Variants in NOL4 observed in about 807,000 individuals in gnomAD.
The protein encoded by NOL4 is cancer/testis antigen 125.
A neutral mutation model predicts 75.9 loss-of-function variants in NOL4; 17 were observed. The ratio of observed to expected loss-of-function variants is 0.22; its 90% CI spans 0.15 to 0.34. The LOEUF (loss-of-function observed/expected upper bound fraction) is 0.34, where lower values mean the gene tolerates loss of function less well. NOL4 is among the 10% of genes least tolerant of loss of function. The probability of loss-of-function intolerance (pLI) is 1.00; values close to 1 mark genes in which losing one functional copy is unlikely to be tolerated. For missense variants in NOL4, 614 were observed against 793.5 expected, an observed-to-expected ratio of 0.77 and a Z score of 2.72; for synonymous variants, 292 against 289.9, an observed-to-expected ratio of 1.01 and a Z score of -0.07.
intron 4 of NOL4, among the ~76,000 whole-genome samples, chr18:34,098,974 T>C (rs2078916095): frequency 6.6e-6 from 1 of 152,200 alleles, no homozygotes; most frequent in African/African-American, 2.4e-5. Flanking sequence ...ACATCAATTC[T>C]TTCTTTGATG....
chr18:33,915,608 A>G (rs2066671805), intron 9 of NOL4, among the ~76,000 whole-genome samples: 1 of 152,106 alleles, frequency 6.6e-6, no homozygotes, highest in Non-Finnish European at 1.5e-5. Context: ...CTCATCCTAA[A>G]TAAGAGTGGA....
chr18:34,124,609 CAT>C (rs1226775712), intron 2 of NOL4, among the ~76,000 whole-genome samples: 2 of 152,058 alleles, frequency 1.3e-5, no homozygotes, highest in Admixed American at 6.6e-5. Flanking sequence ...CATTAGGACT[CAT>C]ATAAGAATCA....
intron 5 of NOL4, among the ~76,000 whole-genome samples, chr18:34,088,641 T>C (rs2078358140): frequency 6.6e-6 from 1 of 152,134 alleles, no homozygotes; most frequent in Admixed American, 6.6e-5. Flanking sequence ...CTTTTACTCA[T>C]GCTTTCATGA....
At chr18:33,938,086 T>C (rs1266934925) in intron 9 of NOL4, among the ~76,000 whole-genome samples, 1 of 152,076 alleles carries the variant, frequency 6.6e-6, no homozygotes, top group Admixed American at 6.6e-5. Flanking sequence ...CATTATAGGA[T>C]TGTGAAAAGA....
At chr18:34,123,999 T>G (rs1041981093) in intron 2 of NOL4, among the ~76,000 whole-genome samples, 1 of 152,112 alleles carries the variant, frequency 6.6e-6, no homozygotes, top group African/African-American at 2.4e-5. Context: ...AAATTTGAAC[T>G]TGGAATAGTT....
At chr18:33,862,615 C>T (rs1052323236) in intron 10 of NOL4, among the ~76,000 whole-genome samples, 9 of 152,026 alleles carry the variant, frequency 5.9e-5, no homozygotes, top group Non-Finnish European at 1.0e-4. Flanking sequence ...ACAAAGGACA[C>T]GAACAGAAAC....
At position 34,099,247 on chromosome 18, in the gene NOL4, T is replaced by C. The variant is rs1450479276; in HGVS notation, c.639+4800A>G. On this transcript the variant is annotated intron_variant, in intron 4 of 10. Coordinates refer to ENST00000261592, the MANE Select transcript of NOL4 (RefSeq NM_003787.5). ...GCATAGTGGCGGGCACCTGTAATCC[T>C]AGCTACTCGGGAGGCTGAGGCAGGA... is the stretch of plus-strand genomic sequence containing the variant. Among the ~76,000 whole-genome samples the C allele has an allele frequency of 2.7e-5, 4 of 150,042 alleles. No individual in the cohort carries two copies. In the Admixed American group the frequency reaches 2.7e-4, roughly 10 times the overall value.
chr18:34,170,184 T>C (rs1039299028), intron 1 of NOL4, among the ~76,000 whole-genome samples: 3 of 151,760 alleles, frequency 2.0e-5, no homozygotes, highest in African/African-American at 7.3e-5. Context: ...AACTATTTTT[T>C]TTTTTTTTTT....
chr18:34,180,943 T>C (rs2033984950), intron 1 of NOL4, among the ~76,000 whole-genome samples: 1 of 151,422 alleles, frequency 6.6e-6, no homozygotes, highest in Non-Finnish European at 1.5e-5. Flanking sequence ...AATGAAAATA[T>C]ACTCCAAGAT....
chr18:34,051,492 T>C (rs1194903014), intron 5 of NOL4, among the ~76,000 whole-genome samples: 3 of 152,160 alleles, frequency 2.0e-5, no homozygotes, highest in African/African-American at 7.2e-5. Context: ...AGTAGGATTA[T>C]CTTTGACTGT....
intron 2 of NOL4, among the ~76,000 whole-genome samples, chr18:34,126,405 A>G (rs1460996998): frequency 6.6e-6 from 1 of 152,178 alleles, no homozygotes; most frequent in African/African-American, 2.4e-5. Flanking sequence ...GCAGTTATAT[A>G]TATGAGTAAT....
chr18:33,874,858 A>C (rs2063857364), intron 10 of NOL4, among the ~76,000 whole-genome samples: 1 of 152,024 alleles, frequency 6.6e-6, no homozygotes, highest in African/African-American at 2.4e-5. Context: ...TCTTATGGCC[A>C]AGTTTCCTTA....
chr18:33,888,843 C>A (rs1599757097), intron 9 of NOL4, among the ~76,000 whole-genome samples: 1 of 152,056 alleles, frequency 6.6e-6, no homozygotes, highest in Non-Finnish European at 1.5e-5. Context: ...AATGTGAAGT[C>A]AGGTAGCATT....
intron 2 of NOL4, among the ~76,000 whole-genome samples, chr18:34,107,958 A>G (rs2079388687): frequency 6.6e-6 from 1 of 152,168 alleles, no homozygotes; most frequent in African/African-American, 2.4e-5. Flanking sequence ...CACATTATAT[A>G]TGTCAACTCT....
intron 6 of NOL4, among the ~76,000 whole-genome samples, chr18:34,013,002 T>C (rs563035270): frequency 1.3e-5 from 2 of 152,120 alleles, no homozygotes; most frequent in African/African-American, 4.8e-5. Flanking sequence ...ATCACTTATC[T>C]GATTGTATTA....
At position 33,895,592 on chromosome 18, in the gene NOL4, C is replaced by G. The variant is rs143429913; in HGVS notation, c.1543-12168G>C. 4.6e-3 allele frequency among the ~76,000 whole-genome samples: 706 copies of G among 151,976 alleles called. 4 individuals carry two copies. Among genetic ancestry groups the G allele is most frequent in the African/African-American group, 0.016 (679 of 41,494 alleles). ...ATAGTATTTTTCACCTCAGAAACAT[C>G]TTTTAATTTTAACAAAGAAAAAAAT... is the stretch of plus-strand genomic sequence containing the variant. On this transcript the variant is annotated intron_variant, in intron 9 of 10. Transcript: ENST00000261592.
At chr18:33,962,047 TCTCTATGCTAAG>T (rs1196401567) in intron 6 of NOL4, among the ~76,000 whole-genome samples, 1 of 152,190 alleles carries the variant, frequency 6.6e-6, no homozygotes, top group East Asian at 1.9e-4. Context: ...GTACCAACCT[TCTCTATGCTAAG>T]CATGCATCTT....
intron 5 of NOL4, among the ~76,000 whole-genome samples, chr18:34,036,410 T>A (rs2075900312): frequency 1.3e-5 from 2 of 152,054 alleles, no homozygotes; most frequent in South Asian, 4.1e-4. Flanking sequence ...AAACTCAACA[T>A]CACTTCATGT....
chr18:34,157,919 G>T lies in NOL4; in HGVS notation c.265-27899C>A, dbSNP rs76858417. ...GAATTCATAGCTTTACCTAGGGCTT[G>T]CACTATATCAAAATCTCTTTTAGTG... On this transcript the variant is annotated intron_variant, in intron 1 of 10. Transcript: ENST00000261592. 7.9e-3 allele frequency among the ~76,000 whole-genome samples: 1,197 copies of T among 152,246 alleles called. 7 individuals carry two copies. The highest frequency in any genetic ancestry group is 0.013 in the Non-Finnish European group (888 of 68,002).
Sources: allele counts gnomAD v4.1 joint callset (sites outside exome capture counted in the v4.1 genomes callset), GRCh38; gene constraint gnomAD v4.1.1; transcripts MANE v1.5; gene names NCBI Gene and HGNC (gene_info 2026-07-23, HGNC 2026-07-21).